The following NUP107 variants were observed in gnomAD, a reference collection of about 807,000 sequenced individuals.
NUP107 encodes the protein nucleoporin 107, also known as nuclear pore complex protein Nup107.
Under a neutral mutation model 141.0 loss-of-function variants are expected in NUP107, and 101 were observed. The ratio of observed to expected loss-of-function variants is 0.72; its 90% CI spans 0.61 to 0.84. The LOEUF (loss-of-function observed/expected upper bound fraction) is 0.84, where lower values mean the gene tolerates loss of function less well. NUP107 is among the 40% of genes least tolerant of loss of function. NUP107 has a pLI of 0.00. For missense variants in NUP107, 941 were observed against 1,102.7 expected (o/e 0.85, Z 2.08); for synonymous variants, 319 against 363.9 (o/e 0.88, Z 1.41).
chr12:68,741,095 G>T lies in NUP107; in HGVS notation c.2503-718G>T, dbSNP rs565715235. ...AGAAAAGAAAAAAAAAAGAAATTAT[G>T]TGGTTGGTTACTTTCTAATTATTTT... On this transcript the variant is annotated intron_variant, in intron 26 of 27. Coordinates refer to ENST00000229179, the MANE Select transcript of NUP107 (RefSeq NM_020401.4). Among the ~76,000 whole-genome samples, 23 of 152,008 alleles carry T rather than the reference G, an allele frequency of 1.5e-4. No individual in the cohort carries two copies. The East Asian group carries it at 3.9e-3, about 25-fold the overall frequency.
chr12:68,727,418 GT>G (rs1282638406), intron 20 of NUP107, 29 bp downstream of exon 20: 3 of 1,297,620 alleles, frequency 2.3e-6, no homozygotes, highest in Non-Finnish European at 3.2e-6. Context: ...CAACCTGATT[GT>G]TTTTTACTAT....
At chr12:68,690,591 C>T (rs750101769) in intron 3 of NUP107, 40 bp from the exon 4 acceptor site, 8 of 1,613,506 alleles carry the variant, frequency 5.0e-6, no homozygotes, top group Non-Finnish European at 6.8e-6. Context: ...AATGAATGCT[C>T]ACGCACTTTA....
At chr12:68,709,344 C>G in intron 9 of NUP107, 35 bp downstream of exon 9, 1 of 1,302,652 alleles carries the variant, frequency 7.7e-7, no homozygotes, top group Non-Finnish European at 1.1e-6. Context: ...TTTTATGAAA[C>G]ATGGAGAAAA....
At chr12:68,693,429 G>A (rs148907048) in intron 5 of NUP107, among the ~76,000 whole-genome samples, 2 of 152,110 alleles carry the variant, frequency 1.3e-5, no homozygotes, top group African/African-American at 4.8e-5. Flanking sequence ...GCCCAGGCTG[G>A]TCTCAAACTC....
chr12:68,708,870 C>T (rs904690193), intron 8 of NUP107, among the ~76,000 whole-genome samples: 4 of 152,122 alleles, frequency 2.6e-5, no homozygotes, highest in South Asian at 2.1e-4. Context: ...CTGCCTGCCT[C>T]GGCCTCCCAA....
chr12:68,734,917 C>G, intron 25 of NUP107, 84 bp downstream of exon 25: 1 of 1,430,948 alleles, frequency 7.0e-7, no homozygotes, highest in Non-Finnish European at 9.5e-7. Flanking sequence ...TCTTCAGCAA[C>G]TATCTTTCGA....
intron 5 of NUP107, among the ~76,000 whole-genome samples, chr12:68,693,863 C>T (rs1282008597): frequency 6.6e-6 from 1 of 152,022 alleles, no homozygotes; most frequent in African/African-American, 2.4e-5. Flanking sequence ...AGGTTTAGTT[C>T]TTAATCTAAC....
rs150964951 is a variant in NUP107, at chr12:68,725,700, A to G, written c.1507-27A>G. 323 of 1,159,458 alleles carry G rather than the reference A, an allele frequency of 2.8e-4. 2 individuals carry two copies. In the African/African-American group the frequency reaches 3.8e-3, roughly 14 times the overall value. The allele number at this position is 1,159,458 out of a possible 1,614,324, so 71.8% of individuals were successfully genotyped here. On this transcript the variant is annotated intron_variant, in intron 17 of 27. Coordinates refer to ENST00000229179, the MANE Select transcript of NUP107 (RefSeq NM_020401.4). Reference sequence around the variant, plus strand: ...CTACAGAATGACTGCTAGAAGATTTATGGAAAATTAAAAACTTTTTTTTCA... The same window carrying G: ...CTACAGAATGACTGCTAGAAGATTTGTGGAAAATTAAAAACTTTTTTTTCA...
chr12:68,690,723 G>A lies in NUP107; in HGVS notation c.280G>A (p.Gly94Arg). ...GTCGCCCCGACTTACGCAGTCTTCA[G>A]GGTTCTTTGGAAATCTCTCCATGGT... ...GKSPRLTQSS[G>R]FFGNLSMVTN... The change falls in exon 4 of 28, where the codon GGG becomes AGG. Residue 94 changes from glycine (G) to arginine (R), a missense_variant. Physicochemically the swap from Gly to Arg is moderately radical, Grantham distance 125. Coordinates refer to ENST00000229179, the MANE Select transcript of NUP107 (RefSeq NM_020401.4). 1.9e-6 allele frequency: 3 copies of A among 1,614,106 alleles called. No homozygotes were observed. The highest frequency in any genetic ancestry group is 8.5e-7 in the Non-Finnish European group (1 of 1,180,000).
chr12:68,741,708 C>A, intron 26 of NUP107, 105 bp from the exon 27 acceptor site: 1 of 977,796 alleles, frequency 1.0e-6, no homozygotes, highest in Non-Finnish European at 1.5e-6. Context: ...GCTGTTAAAT[C>A]TTGTCTACCA....
intron 26 of NUP107, 47 bp from the exon 27 acceptor site, chr12:68,741,766 A>T: frequency 6.4e-7 from 1 of 1,563,170 alleles, no homozygotes; most frequent in Non-Finnish European, 8.7e-7. Flanking sequence ...TTTTGTAAGG[A>T]TCTTTAGCTT....
At chr12:68,687,224 C>A in intron 1 of NUP107, 151 bp downstream of exon 1, 1 of 1,149,850 alleles carries the variant, frequency 8.7e-7, no homozygotes, top group Non-Finnish European at 1.2e-6. Flanking sequence ...AATTTGGCCA[C>A]AAATGGGGAA....
chr12:68,697,736 A>G (rs2431660), intron 6 of NUP107, among the ~76,000 whole-genome samples: 148,322 of 152,288 alleles, frequency 0.97, 72,330 homozygotes, highest in East Asian at 1. Context: ...ATAAGCATAT[A>G]AAAAATGCTT....
intron 10 of NUP107, among the ~76,000 whole-genome samples, chr12:68,713,388 A>C (rs1437748937): frequency 2.0e-5 from 3 of 151,906 alleles, no homozygotes; most frequent in Non-Finnish European, 2.9e-5. Flanking sequence ...AAAAAAAAAA[A>C]AAAAACCCAC....
intron 21 of NUP107, 43 bp from the exon 22 acceptor site, chr12:68,731,564 A>C (rs767080898): frequency 1.1e-5 from 13 of 1,133,146 alleles, no homozygotes; most frequent in African/African-American, 1.6e-5. Context: ...TATTAGTATC[A>C]ATGATTAATC....
intron 12 of NUP107, among the ~76,000 whole-genome samples, chr12:68,719,031 G>C (rs1394015955): frequency 6.6e-6 from 1 of 152,158 alleles, no homozygotes; most frequent in Non-Finnish European, 1.5e-5. Flanking sequence ...TGGGATTACA[G>C]GTGCCTGCCA....
chr12:68,716,453 A>G (rs981729302), intron 12 of NUP107, among the ~76,000 whole-genome samples: 8 of 151,306 alleles, frequency 5.3e-5, no homozygotes, highest in African/African-American at 1.9e-4. Flanking sequence ...CTGATCGTGA[A>G]CACCTGGGCT....
intron 12 of NUP107, among the ~76,000 whole-genome samples, chr12:68,717,288 C>T (rs1173310114): frequency 2.0e-5 from 3 of 152,096 alleles, no homozygotes; most frequent in Non-Finnish European, 4.4e-5. Flanking sequence ...TTTATAAAAC[C>T]ACAGATAGTG....
At chr12:68,738,450 CAAA>C (rs60283225) in intron 26 of NUP107, among the ~76,000 whole-genome samples, 1 of 89,606 alleles carries the variant, frequency 1.1e-5, no homozygotes. Flanking sequence ...GACTCCGTCT[CAAA>C]AAAAAAAAAA....
Sources: gnomAD v4.1 joint callset for allele counts (sites outside exome capture counted in the v4.1 genomes callset) on GRCh38, gnomAD v4.1.1 for gene constraint, MANE v1.5 for transcripts, NCBI Gene and HGNC (gene_info 2026-07-23, HGNC 2026-07-21) for gene names.